Variants in IMMP2L observed in about 807,000 individuals in gnomAD.
IMMP2L encodes the protein mitochondrial inner membrane protease subunit 2.
IMMP2L carries 18 observed loss-of-function variants against 19.3 expected under a neutral mutation model. That is an observed-to-expected ratio of 0.93 (90% CI 0.64 to 1.38). IMMP2L has a LOEUF of 1.38. Among genes scored for constraint, IMMP2L ranks in the 40% most tolerant of loss-of-function variants. IMMP2L has a pLI of 0.00. For synonymous variants in IMMP2L, 76 were observed against 73.0 expected, an observed-to-expected ratio of 1.04 and a Z score of -0.21; for missense variants, 233 against 218.2, an observed-to-expected ratio of 1.07 and a Z score of -0.43.
At chr7:111,124,935 A>C (rs113717375) in intron 3 of IMMP2L, 59 of 1,388,086 alleles carry the variant, frequency 4.3e-5, no homozygotes, top group South Asian at 2.8e-4. Flanking sequence ...AAATGAACAA[A>C]AAAAAAAAAA....
At chr7:111,254,608 A>G (rs1385388672) in intron 3 of IMMP2L, among the ~76,000 whole-genome samples, 1 of 152,142 alleles carries the variant, frequency 6.6e-6, no homozygotes, top group Non-Finnish European at 1.5e-5. Flanking sequence ...TTTTATAAGT[A>G]AAAAGAAAAA....
intron 3 of IMMP2L, among the ~76,000 whole-genome samples, chr7:111,280,565 A>G (rs750250527): frequency 7.2e-5 from 11 of 152,178 alleles, no homozygotes; most frequent in Non-Finnish European, 1.5e-4. Context: ...GTACACATCA[A>G]ACATTTTAGA....
chr7:111,413,715 A>G (rs1160196636), intron 3 of IMMP2L, among the ~76,000 whole-genome samples: 1 of 151,826 alleles, frequency 6.6e-6, no homozygotes, highest in Admixed American at 6.6e-5. Context: ...CCAGTTATCA[A>G]CCTCTTGCCT....
chr7:111,393,170 G>C (rs1832538413), intron 3 of IMMP2L, among the ~76,000 whole-genome samples: 1 of 152,000 alleles, frequency 6.6e-6, no homozygotes, highest in East Asian at 1.9e-4. Flanking sequence ...GGCCCACCAA[G>C]AATAACCTCA....
chr7:110,941,206 C>G (rs1816702341), intron 4 of IMMP2L, among the ~76,000 whole-genome samples: 2 of 152,264 alleles, frequency 1.3e-5, no homozygotes, highest in South Asian at 4.1e-4. Flanking sequence ...GGAGAAACAT[C>G]CCATATTCAG....
rs532220649 is a variant in IMMP2L, at chr7:111,496,260, G to C, written c.136-8919C>G. Reference sequence around the variant, plus strand: ...TAGAATTCTCAGATTTGTCTCACTAGGTGTGCATAATAAAATAGACTATAA... The same window carrying C: ...TAGAATTCTCAGATTTGTCTCACTACGTGTGCATAATAAAATAGACTATAA... On this transcript the variant is annotated intron_variant, in intron 2 of 5. Coordinates refer to ENST00000405709, the MANE Select transcript of IMMP2L (RefSeq NM_032549.4). 2.0e-5 allele frequency among the ~76,000 whole-genome samples: 3 copies of C among 152,182 alleles called. No individual in the cohort carries two copies. In the East Asian group the frequency reaches 5.8e-4, roughly 29 times the overall value.
At chr7:110,943,798 A>G (rs146588760) in intron 4 of IMMP2L, among the ~76,000 whole-genome samples, 2 of 151,992 alleles carry the variant, frequency 1.3e-5, no homozygotes, top group African/African-American at 4.8e-5. Context: ...ATAAACAAGC[A>G]TATCCTCATC....
chr7:111,473,609 T>C (rs1243724433), intron 3 of IMMP2L, among the ~76,000 whole-genome samples: 1 of 152,174 alleles, frequency 6.6e-6, no homozygotes, highest in African/African-American at 2.4e-5. Flanking sequence ...TTGGTGTTTA[T>C]GTCAACCTAC....
Position 111,531,334 on chromosome 7 carries a change from A to G in IMMP2L, c.-2-9885T>C, listed in dbSNP as rs368154279. 1.6e-4 allele frequency among the ~76,000 whole-genome samples: 23 copies of G among 145,380 alleles called. 1 individual carries two copies. Among genetic ancestry groups the G allele is most frequent in the African/African-American group, 5.6e-4 (22 of 39,332 alleles). ...ATATGGACATCTTCATGGCTCCAGT[A>G]TTTTTGGAAACCATATAAAGCAAAA... On this transcript the variant is annotated intron_variant, in intron 1 of 5. Transcript: ENST00000405709.
At chr7:111,029,612 A>G (rs1188011792) in intron 3 of IMMP2L, among the ~76,000 whole-genome samples, 1 of 152,202 alleles carries the variant, frequency 6.6e-6, no homozygotes, top group Non-Finnish European at 1.5e-5. Flanking sequence ...ACAGTCCATT[A>G]GTGATGGTCA....
chr7:110,852,235 T>C (rs799648), intron 5 of IMMP2L, among the ~76,000 whole-genome samples: 2,390 of 151,544 alleles, frequency 0.016, 51 homozygotes, highest in African/African-American at 0.054. Context: ...GATGGATGGA[T>C]GGATGGATGT....
intron 3 of IMMP2L, among the ~76,000 whole-genome samples, chr7:111,012,621 T>A (rs1364619375): frequency 6.6e-6 from 1 of 152,148 alleles, no homozygotes; most frequent in African/African-American, 2.4e-5. Context: ...CCAATAAATA[T>A]AGATTTAGAG....
intron 5 of IMMP2L, among the ~76,000 whole-genome samples, chr7:110,679,108 T>C (rs1473921290): frequency 6.6e-6 from 1 of 152,164 alleles, no homozygotes; most frequent in Non-Finnish European, 1.5e-5. Flanking sequence ...ATAATCATTC[T>C]AGTCCCCCCA....
intron 3 of IMMP2L, among the ~76,000 whole-genome samples, chr7:111,115,771 G>A (rs1178650461): frequency 6.6e-6 from 1 of 152,062 alleles, no homozygotes; most frequent in Non-Finnish European, 1.5e-5. Context: ...AGGTTCCAGC[G>A]ATTCTCGTGC....
At chr7:110,943,889 G>T (rs777002388) in intron 4 of IMMP2L, among the ~76,000 whole-genome samples, 1 of 151,980 alleles carries the variant, frequency 6.6e-6, no homozygotes, top group Non-Finnish European at 1.5e-5. Flanking sequence ...TGAGACTCAT[G>T]TTCTTTACTA....
At chr7:111,431,633 A>C (rs1286817948) in intron 3 of IMMP2L, among the ~76,000 whole-genome samples, 1 of 151,832 alleles carries the variant, frequency 6.6e-6, no homozygotes, top group African/African-American at 2.4e-5. Flanking sequence ...TTAGGGCCAC[A>C]AAAATGTGGT....
At chr7:111,118,683 CTTAT>C (rs1800192701) in intron 3 of IMMP2L, among the ~76,000 whole-genome samples, 1 of 152,088 alleles carries the variant, frequency 6.6e-6, no homozygotes, top group African/African-American at 2.4e-5. Flanking sequence ...TTATTACTTA[CTTAT>C]TATCCTGCAA....
At chr7:111,184,455 T>C (rs530769264) in intron 3 of IMMP2L, among the ~76,000 whole-genome samples, 1 of 152,180 alleles carries the variant, frequency 6.6e-6, no homozygotes, top group Non-Finnish European at 1.5e-5. Context: ...TTCTCCATAT[T>C]CTATTAAACA....
intron 3 of IMMP2L, among the ~76,000 whole-genome samples, chr7:111,150,107 T>A (rs1309832312): frequency 6.6e-6 from 1 of 152,172 alleles, no homozygotes; most frequent in Non-Finnish European, 1.5e-5. Flanking sequence ...AAACGTAAAA[T>A]CTCAACCATG....
Sources: gnomAD v4.1 joint callset for allele counts (sites outside exome capture counted in the v4.1 genomes callset) on GRCh38, gnomAD v4.1.1 for gene constraint, MANE v1.5 for transcripts, NCBI Gene and HGNC (gene_info 2026-07-23, HGNC 2026-07-21) for gene names.